The following DHRSX variants were observed in gnomAD, a reference collection of about 807,000 sequenced individuals.
DHRSX encodes polyprenol dehydrogenase.
DHRSX carries 31 observed loss-of-function variants against 34.0 expected under a neutral mutation model. The ratio of observed to expected loss-of-function variants is 0.91; its 90% CI spans 0.69 to 1.23. DHRSX has a LOEUF of 1.23. Among genes scored for constraint, DHRSX ranks in the 50% most tolerant of loss-of-function variants. DHRSX has a pLI of 0.00. For synonymous variants in DHRSX, 201 were observed against 183.8 expected (o/e 1.09, Z -0.76); for missense variants, 414 against 428.1 (o/e 0.97, Z 0.29).
At chrX:2,225,490 A>T (rs1479397651) in intron 6 of DHRSX, among the ~76,000 whole-genome samples, 1 of 152,224 alleles carries the variant, frequency 6.6e-6, no homozygotes, top group Non-Finnish European at 1.5e-5. Flanking sequence ...ACTCATACAC[A>T]TGCACAGATT....
At chrX:2,374,321 G>C (rs2043114978) in intron 3 of DHRSX, among the ~76,000 whole-genome samples, 1 of 152,208 alleles carries the variant, frequency 6.6e-6, no homozygotes, top group Non-Finnish European at 1.5e-5. Context: ...ACAGACCACA[G>C]TGAGGCCAGG....
intron 3 of DHRSX, among the ~76,000 whole-genome samples, chrX:2,352,338 T>C (rs756634231): frequency 6.6e-6 from 1 of 152,224 alleles, no homozygotes; most frequent in Non-Finnish European, 1.5e-5. Flanking sequence ...GAATGACTCA[T>C]GGAAACATCA....
chrX:2,489,461 C>T (rs1359350787), intron 1 of DHRSX: 1 of 1,613,862 alleles, frequency 6.2e-7, no homozygotes, highest in East Asian at 2.2e-5. Flanking sequence ...CTTCACCATG[C>T]TGATGGTGGG....
chrX:2,493,780 G>A (rs1038713194), intron 1 of DHRSX, among the ~76,000 whole-genome samples: 2 of 152,056 alleles, frequency 1.3e-5, no homozygotes, highest in Non-Finnish European at 2.9e-5. Flanking sequence ...GACCACCCTG[G>A]ACAACATGGT....
chrX:2,340,920 G>A (rs189385431), intron 3 of DHRSX, among the ~76,000 whole-genome samples: 17 of 152,200 alleles, frequency 1.1e-4, no homozygotes, highest in Non-Finnish European at 2.9e-5. Context: ...AAGAGGAGAC[G>A]CAAGCATTTG....
At chrX:2,492,347 CTG>C (rs2045173613) in intron 1 of DHRSX, among the ~76,000 whole-genome samples, 1 of 151,920 alleles carries the variant, frequency 6.6e-6, no homozygotes, top group Admixed American at 6.6e-5. Context: ...GAGGCCGAGA[CTG>C]GAGTGATGCG....
chrX:2,331,969 A>G (rs2042484181), intron 3 of DHRSX, among the ~76,000 whole-genome samples: 1 of 152,130 alleles, frequency 6.6e-6, no homozygotes, highest in South Asian at 2.1e-4. Context: ...CACCAGCAAT[A>G]AGGTTTTGAC....
intron 1 of DHRSX, among the ~76,000 whole-genome samples, chrX:2,495,287 T>G (rs1423760060): frequency 2.0e-5 from 3 of 151,726 alleles, no homozygotes; most frequent in Admixed American, 2.0e-4. Context: ...ATTATCATTA[T>G]TCCTATTGTT....
intron 3 of DHRSX, among the ~76,000 whole-genome samples, chrX:2,403,019 A>T (rs759689438): frequency 2.6e-5 from 4 of 151,354 alleles, no homozygotes. Context: ...AGTAGCTGGG[A>T]CTACAGGTGT....
chrX:2,392,379 C>T (rs1018467591), intron 3 of DHRSX: 40 of 240,816 alleles, frequency 1.7e-4, no homozygotes, highest in African/African-American at 8.0e-4. Context: ...TGATGGTGCA[C>T]GCCTGTAGTC....
intron 3 of DHRSX, among the ~76,000 whole-genome samples, chrX:2,348,703 T>C (rs756117179): frequency 6.6e-6 from 1 of 151,794 alleles, no homozygotes; most frequent in Admixed American, 6.6e-5. Flanking sequence ...TTTTTTTTTT[T>C]TTTATTTTGT....
At chrX:2,307,204 C>A (rs1418176136) in intron 3 of DHRSX, among the ~76,000 whole-genome samples, 1 of 152,138 alleles carries the variant, frequency 6.6e-6, no homozygotes, top group Admixed American at 6.6e-5. Flanking sequence ...AGTGAATTAA[C>A]ACAGAAACGG....
At chrX:2,246,712 G>GAAAGAAAGAAAGA (rs1383341761) in intron 5 of DHRSX, among the ~76,000 whole-genome samples, 13 of 94,542 alleles carry the variant, frequency 1.4e-4, no homozygotes, top group African/African-American at 4.4e-4. Flanking sequence ...GAAAGAGAAA[G>GAAAGAAAGAAAGA]AAAGAAAGAA....
chrX:2,314,262 A>G (rs1319985046), intron 3 of DHRSX, among the ~76,000 whole-genome samples: 4 of 8,822 alleles, frequency 4.5e-4, no homozygotes, highest in Non-Finnish European at 8.4e-4. Context: ...GAAGGAGGGA[A>G]TGAAGGAGGG....
At chrX:2,347,177 G>A (rs774570056) in intron 3 of DHRSX, among the ~76,000 whole-genome samples, 14 of 152,298 alleles carry the variant, frequency 9.2e-5, no homozygotes, top group East Asian at 5.8e-4. Flanking sequence ...ACAGTTCCAC[G>A]TGGCTGGGGA....
intron 6 of DHRSX, among the ~76,000 whole-genome samples, chrX:2,224,786 ACACATGCT>A (rs2015603037): frequency 6.6e-6 from 1 of 152,012 alleles, no homozygotes; most frequent in Admixed American, 6.6e-5. Flanking sequence ...ATTCACATGC[ACACATGCT>A]CATTTACATG....
intron 6 of DHRSX, among the ~76,000 whole-genome samples, chrX:2,230,683 A>T (rs2015856469): frequency 6.6e-6 from 1 of 152,136 alleles, no homozygotes; most frequent in African/African-American, 2.4e-5. Flanking sequence ...GCAAACACTG[A>T]CACTTACTAG....
intron 3 of DHRSX, among the ~76,000 whole-genome samples, chrX:2,338,281 C>T (rs983550147): frequency 1.3e-5 from 2 of 151,500 alleles, no homozygotes; most frequent in Non-Finnish European, 2.9e-5. Flanking sequence ...TGCGGCGAGC[C>T]GAGACAGTGC....
At chrX:2,242,860 C>A (rs2016172695) in intron 6 of DHRSX, 163 bp downstream of exon 6, 1 of 229,382 alleles carries the variant, frequency 4.4e-6, no homozygotes, top group African/African-American at 2.3e-5. Context: ...TTCATTTACT[C>A]CTCTACCTTC....
Sources: allele counts gnomAD v4.1 joint callset (sites outside exome capture counted in the v4.1 genomes callset), GRCh38; gene constraint gnomAD v4.1.1; transcripts MANE v1.5; gene names NCBI Gene and HGNC (gene_info 2026-07-23, HGNC 2026-07-21).